SPTA1: variants seen among roughly 807,000 people sequenced by gnomAD.
SPTA1 encodes the protein spectrin alpha chain, erythrocytic 1.
Under a neutral mutation model 324.7 loss-of-function variants are expected in SPTA1, and 177 were observed. The ratio of observed to expected loss-of-function variants is 0.55; its 90% confidence interval spans 0.48 to 0.62. SPTA1 has a LOEUF of 0.62. SPTA1 is among the 20% of genes least tolerant of loss of function. The probability of loss-of-function intolerance (pLI) is 0.00; values close to 1 mark genes in which losing one functional copy is unlikely to be tolerated. For synonymous variants in SPTA1, 1,195 were observed against 1,041.3 expected (o/e 1.15, Z -2.84); for missense variants, 3,162 against 2,883.6 (o/e 1.10, Z -2.21).
chr1:158,625,315 C>G (rs574972819), intron 42 of SPTA1, among the ~76,000 whole-genome samples: 1 of 152,230 alleles, frequency 6.6e-6, no homozygotes, highest in Non-Finnish European at 1.5e-5. Context: ...AAGTATCAGT[C>G]TGTCAAGATG....
chr1:158,621,582 G>C (rs544604367), intron 43 of SPTA1, among the ~76,000 whole-genome samples: 1 of 152,244 alleles, frequency 6.6e-6, no homozygotes, highest in East Asian at 1.9e-4. Context: ...ATTGTAGTTT[G>C]AAATTATTTT....
intron 36 of SPTA1, among the ~76,000 whole-genome samples, chr1:158,637,140 A>C (rs1192123416): frequency 6.6e-6 from 1 of 152,192 alleles, no homozygotes; most frequent in East Asian, 1.9e-4. Flanking sequence ...TCATTTATTA[A>C]TGTCAATAAT....
intron 36 of SPTA1, among the ~76,000 whole-genome samples, chr1:158,637,424 G>C (rs1438452277): frequency 6.6e-6 from 1 of 152,168 alleles, no homozygotes; most frequent in Non-Finnish European, 1.5e-5. Flanking sequence ...ATGGGAAGTA[G>C]GCAAAATAGT....
At position 158,674,364 on chromosome 1, in the gene SPTA1, C is replaced by T. The variant is rs910792884; in HGVS notation, c.1315G>A (p.Ala439Thr). The T allele has an allele frequency of 6.2e-7, 1 of 1,614,082 alleles. No homozygotes were observed. Among genetic ancestry groups the T allele is most frequent in the Non-Finnish European group, 8.5e-7 (1 of 1,179,962 alleles). ...ACTTCATCAGAGGCTTCATGATTGG[C>T]ATTCACGAGGTCTTGACCAGTCTCA... is the stretch of plus-strand genomic sequence containing the variant. Reference protein sequence around the residue: ...ADETGQDLVNANHEASDEVRE... With the variant: ...ADETGQDLVNTNHEASDEVRE... Residue 439 changes from alanine to threonine, a missense_variant, in exon 10 of 52, where the codon GCC (alanine) becomes ACC (threonine). Ala to Thr is a moderately conservative substitution (Grantham distance 58). Transcript: ENST00000643759.
At position 158,644,276 on chromosome 1, in the gene SPTA1, A is replaced by T. The variant is rs770195335; in HGVS notation, c.4315T>A (p.Leu1439Met). Residue 1439 changes from leucine (L) to methionine (M), a missense_variant, in exon 30 of 52, where the codon TTG (leucine) becomes ATG (methionine). Physicochemically the swap from Leu to Met is conservative, Grantham distance 15 (BLOSUM62 2). Transcript: ENST00000643759. ...ACCTGGGCAGTGATTGCTTTGTCCA[A>T]ATCGTCCCGTTTCTTCATCAAAGCC... is the stretch of plus-strand genomic sequence containing the variant. Reference protein sequence around the residue: ...LEALMKKRDDLDKAITAQEGK... With the variant: ...LEALMKKRDDMDKAITAQEGK... 3.1e-6 allele frequency: 5 copies of T among 1,613,764 alleles called. No individual in the cohort carries two copies. The highest frequency in any genetic ancestry group is 1.3e-5 in the African/African-American group (1 of 74,886).
At chr1:158,644,086 G>A (rs1651815948) in intron 30 of SPTA1, among the ~76,000 whole-genome samples, 167 bp downstream of exon 30, 1 of 149,568 alleles carries the variant, frequency 6.7e-6, no homozygotes, top group South Asian at 2.1e-4. Context: ...GCAGTCAGCC[G>A]AGATCACACC....
rs1285784772 is a variant in SPTA1 at position 158,657,705 on chromosome 1, A to T, written c.2588-11T>A. On this transcript the variant is annotated splice_polypyrimidine_tract_variant and intron_variant, in intron 18 of 51. Transcript: ENST00000643759. Reference sequence around the variant, plus strand: ...CTGCAGCAAAGTGTCCTATGGAGTAATTATAGAAAAGGTGAGTATGATCCT... The same window carrying T: ...CTGCAGCAAAGTGTCCTATGGAGTATTTATAGAAAAGGTGAGTATGATCCT... 6.2e-7 allele frequency: 1 copy of T among 1,613,586 alleles called. No individual in the cohort carries two copies. Among genetic ancestry groups the T allele is most frequent in the East Asian group, 2.2e-5 (1 of 44,886 alleles).
chr1:158,655,438 C>T (rs1652762649), intron 20 of SPTA1, among the ~76,000 whole-genome samples: 1 of 152,170 alleles, frequency 6.6e-6, no homozygotes, highest in Non-Finnish European at 1.5e-5. Context: ...TGACCCACCC[C>T]TTCCTCAGGT....
chr1:158,619,263 T>C lies in SPTA1; in HGVS notation c.6489A>G (p.Glu2163=), dbSNP rs1186857866. The C allele has an allele frequency of 1.2e-6, 2 of 1,614,016 alleles. No individual in the cohort carries two copies. The highest frequency in any genetic ancestry group is 1.3e-5 in the African/African-American group (1 of 74,910). ...VKNFEMCQEF[E]QNASTFLQWI... ...ATTGAAGGAAGGTACTGGCATTCTG[T>C]TCAAACTCCTGACACATCTCAAAGT... Residue 2163 remains glutamate, a synonymous_variant, in exon 45 of 52, where the codon GAA becomes GAG. Coordinates refer to ENST00000643759, the MANE Select transcript of SPTA1 (RefSeq NM_003126.4).
At chr1:158,636,162 G>A (rs1651054816) in intron 37 of SPTA1, 128 bp from the exon 38 acceptor site, 2 of 1,519,508 alleles carry the variant, frequency 1.3e-6, no homozygotes, top group Middle Eastern at 1.7e-4. Context: ...GACTTTGTGA[G>A]GGTCCTGAAA....
chr1:158,638,114 G>T lies in SPTA1; in HGVS notation c.5108C>A (p.Ala1703Asp). 6.2e-7 allele frequency: 1 copy of T among 1,614,024 alleles called. No individual in the cohort carries two copies. The highest frequency in any genetic ancestry group is 8.5e-7 in the Non-Finnish European group (1 of 1,179,960). Reference sequence around the variant, plus strand: ...CTCTTTCAATTTTTCGTGGTGTGCAGCTGCCAATTCTTGGACATTCAGGAA... The same window carrying T: ...CTCTTTCAATTTTTCGTGGTGTGCATCTGCCAATTCTTGGACATTCAGGAA... ...KRFLNVQELAAAHHEKLKEAY... is the reference protein window; with the variant it reads ...KRFLNVQELADAHHEKLKEAY... The change falls in exon 36 of 52, where the codon GCT (alanine) becomes GAT (aspartate). Residue 1703 changes from alanine (A) to aspartate (D), a missense_variant. Transcript: ENST00000643759.
intron 16 of SPTA1, among the ~76,000 whole-genome samples, chr1:158,666,083 T>G (rs2101899794): frequency 6.6e-6 from 1 of 152,102 alleles, no homozygotes; most frequent in Non-Finnish European, 1.5e-5. Flanking sequence ...TACTAAAAAT[T>G]TCGAATTTTT....
Position 158,678,416 on chromosome 1 carries a change from A to G in SPTA1, c.797T>C (p.Leu266Ser). ...RQKALSNAAN[L>S]QRFKRDVTEA... is the part of the protein sequence containing the mutation. The stretch of plus-strand genomic sequence containing the variant: ...AGATCCATACCTTTTGAATCGTTGT[A>G]AGTTTGCAGCATTGGACAGAGCTTT... The change falls in exon 6 of 52, where the codon TTA becomes TCA. Residue 266 changes from leucine to serine, a missense_variant. By Grantham distance (145) the Leu-to-Ser change is moderately radical. Coordinates refer to ENST00000643759, the MANE Select transcript of SPTA1 (RefSeq NM_003126.4). 2 of 1,613,664 alleles carry G rather than the reference A, an allele frequency of 1.2e-6. No homozygotes were observed. The highest frequency in any genetic ancestry group is 8.5e-7 in the Non-Finnish European group (1 of 1,179,682).
chr1:158,665,707 G>A (rs1391148949), intron 16 of SPTA1, among the ~76,000 whole-genome samples: 1 of 152,130 alleles, frequency 6.6e-6, no homozygotes, highest in African/African-American at 2.4e-5. Context: ...GTCACATTGG[G>A]AAAGTCACTT....
rs753295254 is a variant in SPTA1 at position 158,676,157 on chromosome 1, G to A, written c.1096C>T (p.Leu366=). ...RALATSRYEK[L]QATYWYHRFS... ...ATTTCCCACCAATAAGTAGCCTGCA[G>A]TTTTTCATATCTGCTGGTGGCCAGG... is the stretch of plus-strand genomic sequence containing the variant. Residue 366 remains leucine, a synonymous_variant, in exon 8 of 52, where the codon CTG becomes TTG. Transcript: ENST00000643759. 5 of 1,613,650 alleles carry A rather than the reference G, an allele frequency of 3.1e-6. No individual in the cohort carries two copies. The Admixed American group carries it at 8.3e-5, about 27-fold the overall frequency.
In SPTA1 at chr1:158,678,503, G is replaced by C. The variant is rs374611447; in HGVS notation, c.710C>G (p.Ser237Cys). Residue 237 changes from serine to cysteine, a missense_variant, in exon 6 of 52, where the codon TCT (serine) becomes TGT (cysteine). Transcript: ENST00000643759. ...ENHPDLPLIQ[S>C]KQNEVNAAWE... ...GGCAGCATTCACCTCATTTTGCTTA[G>C]ACTGAATTAAGGGTAGGTCAGGATG... The C allele has an allele frequency of 1.2e-6, 2 of 1,613,622 alleles. No homozygotes were observed. Among genetic ancestry groups the C allele is most frequent in the African/African-American group, 1.3e-5 (1 of 74,996 alleles).
chr1:158,685,395 CATGTTGCCCCGCTTAT>C, intron 1 of SPTA1, 48 bp from the exon 2 acceptor site: 4 of 1,605,676 alleles, frequency 2.5e-6, no homozygotes, highest in Non-Finnish European at 3.4e-6. Flanking sequence ...AAATATTTAA[CATGTTGCCCCGCTTAT>C]ATGTGTCAAG....
At chr1:158,643,948 C>T (rs1032446109) in intron 30 of SPTA1, among the ~76,000 whole-genome samples, 2 of 151,912 alleles carry the variant, frequency 1.3e-5, no homozygotes, top group Non-Finnish European at 2.9e-5. Context: ...ACCAGCCTGG[C>T]TAACATGGTG....
At chr1:158,639,009 T>A (rs558409245) in intron 35 of SPTA1, among the ~76,000 whole-genome samples, 79 of 152,262 alleles carry the variant, frequency 5.2e-4, no homozygotes, top group African/African-American at 1.8e-3. Flanking sequence ...CATCACCAAG[T>A]CCCAAGGCCT....
Sources: allele counts gnomAD v4.1 joint callset (sites outside exome capture counted in the v4.1 genomes callset), GRCh38; gene constraint gnomAD v4.1.1; transcripts MANE v1.5; gene names NCBI Gene and HGNC (gene_info 2026-07-23, HGNC 2026-07-21).